Variants in ITPR1 observed in about 807,000 individuals in gnomAD.
The protein encoded by ITPR1 is inositol 1,4,5-trisphosphate receptor type 1, also known as inositol 1,4,5-trisphosphate-gated calcium channel ITPR1.
In ITPR1, 96 loss-of-function variants were observed where a neutral mutation model predicts 318.4. That is an observed-to-expected ratio of 0.30 (90% CI 0.26 to 0.36). The LOEUF is 0.36. ITPR1 is among the 10% of genes least tolerant of loss of function. ITPR1 has a pLI of 1.00. For synonymous variants in ITPR1, 1,312 were observed against 1,289.9 expected, an observed-to-expected ratio of 1.02 and a Z score of -0.37; for missense variants, 2,440 against 3,460.2, an observed-to-expected ratio of 0.71 and a Z score of 7.40.
intron 10 of ITPR1, among the ~76,000 whole-genome samples, chr3:4,650,994 A>G (rs889055488): frequency 3.3e-5 from 5 of 151,964 alleles, no homozygotes; most frequent in Non-Finnish European, 7.4e-5. Context: ...TTGAAGGCTT[A>G]TTTTCAAGCT....
intron 44 of ITPR1, among the ~76,000 whole-genome samples, chr3:4,757,262 C>G (rs1363847525): frequency 1.3e-5 from 2 of 152,198 alleles, no homozygotes; most frequent in Non-Finnish European, 2.9e-5. Context: ...CCACAGCAGT[C>G]ATTGTGTGAC....
At chr3:4,621,596 G>A (rs2092636265) in intron 4 of ITPR1, among the ~76,000 whole-genome samples, 1 of 152,208 alleles carries the variant, frequency 6.6e-6, no homozygotes, top group South Asian at 2.1e-4. Flanking sequence ...TTCTTCCTTT[G>A]CTGAAGCCTT....
chr3:4,529,283 G>A (rs780149234), intron 4 of ITPR1, among the ~76,000 whole-genome samples: 3 of 152,138 alleles, frequency 2.0e-5, no homozygotes, highest in Non-Finnish European at 4.4e-5. Flanking sequence ...TGCTTCTAGT[G>A]CAATAAATAA....
intron 4 of ITPR1, among the ~76,000 whole-genome samples, chr3:4,546,266 C>T (rs760066971): frequency 3.9e-5 from 6 of 152,114 alleles, no homozygotes; most frequent in East Asian, 1.9e-4. Context: ...CCAGGCACCA[C>T]GGCAGGACCT....
intron 36 of ITPR1, among the ~76,000 whole-genome samples, chr3:4,705,158 A>T (rs1207232535): frequency 2.0e-5 from 3 of 152,198 alleles, no homozygotes; most frequent in Non-Finnish European, 4.4e-5. Context: ...AGCATTGAAG[A>T]CAGGAAATCA....
At chr3:4,801,068 C>A (rs1575301388) in intron 54 of ITPR1, among the ~76,000 whole-genome samples, 1 of 152,294 alleles carries the variant, frequency 6.6e-6, no homozygotes, top group South Asian at 2.1e-4. Flanking sequence ...AGAGGAGAAG[C>A]AGAGACAATT....
In ITPR1 at chr3:4,720,014, C is replaced by T. The variant is rs549103053; in HGVS notation, c.5136+2615C>T. Among the ~76,000 whole-genome samples, 6 of 152,298 alleles carry T rather than the reference C, an allele frequency of 3.9e-5. No individual in the cohort carries two copies. In the East Asian group the frequency reaches 1.2e-3, roughly 29 times the overall value. ...GTTACACATGTGTACACCTGTGTAG[C>T]CGCCACCTAAATCAAGACACAGAAT... On this transcript the variant is annotated intron_variant, in intron 40 of 61. Transcript: ENST00000649015.
chr3:4,768,825 C>T lies in ITPR1; in HGVS notation c.5979+61C>T, dbSNP rs1004371413. On this transcript the variant is annotated intron_variant, in intron 46 of 61. Coordinates refer to ENST00000649015, the MANE Select transcript of ITPR1 (RefSeq NM_001378452.1). The stretch of plus-strand genomic sequence containing the variant: ...GGGAAAGGCTGCCAAGGCCTGCCTT[C>T]CTCTGATGGTTCAGCACCTCTCACT... The T allele has an allele frequency of 8.5e-6, 13 of 1,525,242 alleles. No homozygotes were observed. In the African/African-American group the frequency reaches 1.1e-4, roughly 13 times the overall value. The allele number at this position is 1,525,242 out of a possible 1,614,324, so 94.5% of individuals were successfully genotyped here.
chr3:4,795,454 C>T (rs563746746), intron 53 of ITPR1, among the ~76,000 whole-genome samples: 73 of 152,268 alleles, frequency 4.8e-4, no homozygotes, highest in African/African-American at 1.7e-3. Flanking sequence ...TCTTAATCAG[C>T]CCCTTCTTTT....
chr3:4,662,152 G>A lies in ITPR1; in HGVS notation c.1322G>A (p.Arg441Gln). The change falls in exon 15 of 62, where the codon CGG becomes CAG. Residue 441 changes from arginine to glutamine, a missense_variant. Around this residue, in one of 23 missense-constraint regions of ITPR1, gnomAD observed 478 missense variants for 696.3 expected, o/e 0.69. Transcript: ENST00000649015. ...AIVPVSPAEV[R>Q]DLDFANDASK... ...GTTCCGGTTTCTCCTGCTGAAGTTC[G>A]GGACCTGGACTTTGCCAATGATGCC... 2 of 1,613,696 alleles carry A rather than the reference G, an allele frequency of 1.2e-6. No homozygotes were observed. The highest frequency in any genetic ancestry group is 1.7e-6 in the Non-Finnish European group (2 of 1,179,682).
intron 6 of ITPR1, among the ~76,000 whole-genome samples, chr3:4,640,433 C>T (rs1459804601): frequency 6.6e-6 from 1 of 152,194 alleles, no homozygotes; most frequent in African/African-American, 2.4e-5. Context: ...CATGCACTTC[C>T]TCCTCCTTAA....
At chr3:4,657,263 T>G (rs1373019718) in intron 12 of ITPR1, among the ~76,000 whole-genome samples, 1 of 152,162 alleles carries the variant, frequency 6.6e-6, no homozygotes, top group Non-Finnish European at 1.5e-5. Context: ...GGGAAGTTGC[T>G]ATATCATATT....
chr3:4,552,631 A>G (rs771713810), intron 4 of ITPR1, among the ~76,000 whole-genome samples: 38 of 152,160 alleles, frequency 2.5e-4, no homozygotes, highest in Non-Finnish European at 3.7e-4. Flanking sequence ...AGTTATCTGA[A>G]GCTGGTCCTT....
intron 10 of ITPR1, among the ~76,000 whole-genome samples, chr3:4,649,509 C>T (rs1388948063): frequency 1.3e-5 from 2 of 152,176 alleles, no homozygotes; most frequent in African/African-American, 2.4e-5. Flanking sequence ...CCCTATTTCC[C>T]CTTCAATATC....
chr3:4,660,438 T>C (rs1019856971), intron 13 of ITPR1, among the ~76,000 whole-genome samples: 7 of 151,882 alleles, frequency 4.6e-5, no homozygotes, highest in African/African-American at 1.7e-4. Flanking sequence ...GGTTCTTTTT[T>C]TTTTCTATAT....
chr3:4,813,174 T>G lies in ITPR1; in HGVS notation c.7501T>G (p.Phe2501Val). The G allele has an allele frequency of 6.2e-7, 1 of 1,614,018 alleles. No homozygotes were observed. Among genetic ancestry groups the G allele is most frequent in the South Asian group, 1.1e-5 (1 of 91,086 alleles). Residue 2501 changes from phenylalanine to valine, a missense_variant, in exon 57 of 62, where the codon TTC (phenylalanine) becomes GTC (valine). Physicochemically the swap from Phe to Val is conservative, Grantham distance 50. Transcript: ENST00000649015. ...CGAGAGTTTGGCAAGCGAGTTCCTG[T>G]TCTCCGATGTGTGTAGGGTGGAGAG... ...TGESLASEFL[F>V]SDVCRVESGE... is the part of the protein sequence containing the mutation.
intron 4 of ITPR1, among the ~76,000 whole-genome samples, chr3:4,622,553 A>G (rs894768629): frequency 6.6e-6 from 1 of 151,454 alleles, no homozygotes; most frequent in Non-Finnish European, 1.5e-5. Flanking sequence ...CCTCCTGAGT[A>G]GCTGGGACTA....
chr3:4,803,264 C>T (rs991698285), intron 54 of ITPR1, among the ~76,000 whole-genome samples: 5 of 152,178 alleles, frequency 3.3e-5, no homozygotes, highest in Non-Finnish European at 7.3e-5. Context: ...CTGGAGATTA[C>T]AAGTTAACAG....
At chr3:4,650,646 C>T (rs6766566) in intron 10 of ITPR1, among the ~76,000 whole-genome samples, 110,482 of 135,022 alleles carry the variant, frequency 0.82, 43,866 homozygotes, top group East Asian at 0.98. Flanking sequence ...TGTGTGTGTG[C>T]GCGCGTCTGT....
Sources: gnomAD v4.1 joint callset for allele counts (sites outside exome capture counted in the v4.1 genomes callset) on GRCh38, gnomAD v4.1.1 for gene constraint, gnomAD v4.1.1 regional missense constraint, MANE v1.5 for transcripts, NCBI Gene and HGNC (gene_info 2026-07-23, HGNC 2026-07-21) for gene names.